The following VGLL3 variants were observed in gnomAD, a reference collection of about 807,000 sequenced individuals.
The protein encoded by VGLL3 is transcription cofactor vestigial-like protein 3.
A neutral mutation model predicts 29.2 loss-of-function variants in VGLL3; 18 were observed. That is an observed-to-expected ratio of 0.62 (90% CI 0.43 to 0.91). The LOEUF (loss-of-function observed/expected upper bound fraction) is 0.91. Ranked by LOEUF, VGLL3 falls within the 40% of genes least tolerant of loss-of-function variation. VGLL3 has a pLI of 0.00. For missense variants in VGLL3, 440 were observed against 413.2 expected (o/e 1.06, Z -0.56); for synonymous variants, 180 against 151.8 (o/e 1.19, Z -1.36).
chr3:86,975,087 A>G (rs1190196707), intron 2 of VGLL3, among the ~76,000 whole-genome samples: 1 of 152,206 alleles, frequency 6.6e-6, no homozygotes, highest in Non-Finnish European at 1.5e-5. Flanking sequence ...AACACATATT[A>G]CAGTTGAGGA....
intron 1 of VGLL3, among the ~76,000 whole-genome samples, chr3:86,988,761 C>T (rs1474789067): frequency 2.3e-5 from 2 of 86,404 alleles, no homozygotes; most frequent in Non-Finnish European, 5.7e-5. Flanking sequence ...GCTCACTCAG[C>T]CTAACATCTA....
chr3:86,965,290 CT>C (rs566632329), intron 3 of VGLL3, among the ~76,000 whole-genome samples: 11 of 152,094 alleles, frequency 7.2e-5, no homozygotes, highest in Non-Finnish European at 1.5e-4. Context: ...GTCACCTGGA[CT>C]TTGAGAAGTT....
chr3:86,974,655 G>T (rs1278547967), intron 2 of VGLL3, among the ~76,000 whole-genome samples: 2 of 152,144 alleles, frequency 1.3e-5, no homozygotes. Context: ...TTTGTCTAAA[G>T]ATTTACCGTG....
Position 86,968,878 on chromosome 3 carries a change from G to T in VGLL3, c.649C>A (p.Pro217Thr), listed in dbSNP as rs1705022393. ...WPYPLTSQVSPSYSHMHDVYM... is the reference protein window; with the variant it reads ...WPYPLTSQVSTSYSHMHDVYM... The stretch of plus-strand genomic sequence containing the variant: ...ACGTCATGCATATGGCTGTAGGATG[G>T]GCTCACCTGAGATGTCAAAGGATAA... The change falls in exon 3 of 4, where the codon CCA becomes ACA. Residue 217 changes from proline to threonine, a missense_variant. By Grantham distance (38) the Pro-to-Thr change is conservative. Coordinates refer to ENST00000398399, the MANE Select transcript of VGLL3 (RefSeq NM_016206.4). 1.2e-6 allele frequency: 2 copies of T among 1,614,160 alleles called. No individual in the cohort carries two copies. The highest frequency in any genetic ancestry group is 2.7e-5 in the African/African-American group (2 of 75,026).
chr3:86,948,209 T>G (rs1362390306), intron 3 of VGLL3, among the ~76,000 whole-genome samples: 2 of 152,200 alleles, frequency 1.3e-5, no homozygotes, highest in African/African-American at 4.8e-5. Flanking sequence ...GAAGCAAAAC[T>G]CTTTAAACAT....
At chr3:86,958,448 A>T (rs930476532) in intron 3 of VGLL3, among the ~76,000 whole-genome samples, 4 of 152,216 alleles carry the variant, frequency 2.6e-5, no homozygotes, top group Non-Finnish European at 2.9e-5. Flanking sequence ...ATGCAAGCAC[A>T]TCCTAAAACA....
intron 3 of VGLL3, among the ~76,000 whole-genome samples, chr3:86,949,185 C>T (rs1188470442): frequency 6.6e-6 from 1 of 152,268 alleles, no homozygotes; most frequent in East Asian, 1.9e-4. Context: ...TTCAAAATCA[C>T]GTGAGACTTT....
At position 86,947,015 on chromosome 3, in the gene VGLL3, T is replaced by C. The variant is rs1167493783; in HGVS notation, c.*9A>G. 1.3e-6 allele frequency: 1 copy of C among 780,292 alleles called. No individual in the cohort carries two copies. Among genetic ancestry groups the C allele is most frequent in the Non-Finnish European group, 2.4e-6 (1 of 417,736 alleles). 48.3% of individuals were successfully genotyped at this position (780,292 alleles called of 1,614,324 possible). A position where few individuals can be genotyped will look rare whatever the true frequency, so the allele number is the denominator to read the frequency against. ...TATGCTGCAACTTAACTCACTAAGA[T>C]TGTGTGTTTCAGTACCACGGTGATT... On this transcript the variant is annotated 3_prime_UTR_variant, in exon 4 of 4. Transcript: ENST00000398399.
At chr3:86,966,782 TATATATATA>T (rs1704972328) in intron 3 of VGLL3, among the ~76,000 whole-genome samples, 1 of 43,264 alleles carries the variant, frequency 2.3e-5, no homozygotes, top group Non-Finnish European at 4.8e-5. Context: ...TGTATATATA[TATATATATA>T]TATATATATA....
In VGLL3 at chr3:86,946,187, A is replaced by G. The variant is rs1031203552; in HGVS notation, c.*837T>C. 1.3e-5 allele frequency: 2 copies of G among 152,180 alleles called. No homozygotes were observed. The highest frequency in any genetic ancestry group is 6.5e-5 in the Admixed American group (1 of 15,268). The allele number at this position is 152,180 out of a possible 1,614,324, so 9.4% of individuals were successfully genotyped here. A position where few individuals can be genotyped will look rare whatever the true frequency, so the allele number is the denominator to read the frequency against. ...CTCCTCTAGGCAAACTCTTCATTTGATTGAAAGTTTATGCCAACTTTCTTA... is the reference window on the plus strand; with the variant it reads ...CTCCTCTAGGCAAACTCTTCATTTGGTTGAAAGTTTATGCCAACTTTCTTA... On this transcript the variant is annotated 3_prime_UTR_variant, in exon 4 of 4. Transcript: ENST00000398399.
Position 86,978,568 on chromosome 3 carries a change from C to A in VGLL3, c.361G>T (p.Ala121Ser), listed in dbSNP as rs767054550. The part of the protein sequence containing the change: ...GQAITLHPES[A>S]ISKSKMGLTP... ...AGCCCCATCTTGCTTTTTGAAATGG[C>A]AGATTCTGGATGGAGGGTGATGGCT... Residue 121 changes from alanine (A) to serine (S), a missense_variant, in exon 2 of 4, where the codon GCC (alanine) becomes TCC (serine). Coordinates refer to ENST00000398399, the MANE Select transcript of VGLL3 (RefSeq NM_016206.4). 1.2e-6 allele frequency: 2 copies of A among 1,614,068 alleles called. No individual in the cohort carries two copies. The highest frequency in any genetic ancestry group is 1.7e-6 in the Non-Finnish European group (2 of 1,179,992).
intron 2 of VGLL3, among the ~76,000 whole-genome samples, chr3:86,974,859 G>T (rs6802660): frequency 6.6e-6 from 1 of 151,958 alleles, no homozygotes; most frequent in Non-Finnish European, 1.5e-5. Context: ...ATCTAAGACT[G>T]TGTGTTTTGT....
In VGLL3 at chr3:86,968,700, T is replaced by C. The variant is rs773902732; in HGVS notation, c.827A>G (p.Gln276Arg). The C allele has an allele frequency of 3.1e-6, 5 of 1,613,984 alleles. No individual in the cohort carries two copies. The highest frequency in any genetic ancestry group is 2.7e-5 in the African/African-American group (2 of 74,892). ...SVHAARIPAP[Q>R]CDITKTEPTT... ...TGGTTCTGTCTTTGTGATGTCACACTGGGGAGCAGGAATCCTGGCCGCATG... is the reference window on the plus strand; with the variant it reads ...TGGTTCTGTCTTTGTGATGTCACACCGGGGAGCAGGAATCCTGGCCGCATG... The change falls in exon 3 of 4, where the codon CAG becomes CGG. Residue 276 changes from glutamine (Q) to arginine (R), a missense_variant. Physicochemically the swap from Gln to Arg is conservative, Grantham distance 43 (BLOSUM62 1). Coordinates refer to ENST00000398399, the MANE Select transcript of VGLL3 (RefSeq NM_016206.4).
chr3:86,966,453 A>T (rs1379474140), intron 3 of VGLL3, among the ~76,000 whole-genome samples: 1 of 152,026 alleles, frequency 6.6e-6, no homozygotes, highest in Non-Finnish European at 1.5e-5. Context: ...AAAATTTATG[A>T]AACGAATCTT....
At chr3:86,982,955 G>A (rs763153447) in intron 1 of VGLL3, among the ~76,000 whole-genome samples, 11 of 152,138 alleles carry the variant, frequency 7.2e-5, no homozygotes, top group Admixed American at 2.0e-4. Flanking sequence ...TGGAGAGTTC[G>A]CTTGGGCAGT....
chr3:86,985,979 C>G (rs1705432524), intron 1 of VGLL3, among the ~76,000 whole-genome samples: 1 of 151,884 alleles, frequency 6.6e-6, no homozygotes. Flanking sequence ...TAGTTTTATT[C>G]CCATTGAAAA....
intron 2 of VGLL3, among the ~76,000 whole-genome samples, chr3:86,977,653 G>A (rs1326303891): frequency 6.6e-5 from 10 of 152,208 alleles, no homozygotes; most frequent in Non-Finnish European, 1.0e-4. Context: ...GATTCTGCAG[G>A]TCTGGGGTGG....
At position 86,942,500 on chromosome 3, in the gene VGLL3, C is replaced by A. The variant is rs1195865186; in HGVS notation, c.*4524G>T. The A allele has an allele frequency of 6.6e-6, 1 of 151,912 alleles. No individual in the cohort carries two copies. Among genetic ancestry groups the A allele is most frequent in the Non-Finnish European group, 1.5e-5 (1 of 67,998 alleles). The allele number at this position is 151,912 out of a possible 1,614,324, so 9.4% of individuals were successfully genotyped here. A position where few individuals can be genotyped will look rare whatever the true frequency, so the allele number is the denominator to read the frequency against. ...TTTTTCCACCATATTTTCCAACTTT[C>A]CTTCAAGTCAAGTAAAAATAAAAAA... On this transcript the variant is annotated 3_prime_UTR_variant, in exon 4 of 4. Transcript: ENST00000398399.
chr3:86,958,169 T>G (rs894961010), intron 3 of VGLL3, among the ~76,000 whole-genome samples: 2 of 152,194 alleles, frequency 1.3e-5, no homozygotes, highest in Non-Finnish European at 2.9e-5. Flanking sequence ...TTCCATTTTT[T>G]TTTTGTTACT....
Sources: gnomAD v4.1 joint callset for allele counts (sites outside exome capture counted in the v4.1 genomes callset) on GRCh38, gnomAD v4.1.1 for gene constraint, MANE v1.5 for transcripts, NCBI Gene and HGNC (gene_info 2026-07-23, HGNC 2026-07-21) for gene names.